Variants in NSMCE2 observed in about 807,000 individuals in gnomAD.
NSMCE2 encodes the protein NSE2 SUMO ligase component of SMC5/6 complex, also known as E3 SUMO-protein ligase NSE2.
In NSMCE2, 24 loss-of-function variants were observed where a neutral mutation model predicts 23.8. That is an observed-to-expected ratio of 1.01 (90% confidence interval 0.73 to 1.42). The LOEUF (loss-of-function observed/expected upper bound fraction) is 1.42, where lower values mean the gene tolerates loss of function less well. NSMCE2 is among the 40% of genes most tolerant of loss of function. NSMCE2 has a pLI of 0.00. For synonymous variants in NSMCE2, 92 were observed against 94.1 expected (o/e 0.98, Z 0.13); for missense variants, 284 against 296.5 (o/e 0.96, Z 0.31).
In NSMCE2 at chr8:125,135,585, ATCAAAGT is replaced by A. The variant is rs146551675; in HGVS notation, c.158-15582_158-15576del. ...ATATGGAATAAGGTACGAGGTATAG[ATCAAAGT>A]TCAGTATTTTCCTTCTTTTTTTTTT... On this transcript the variant is annotated intron_variant, in intron 3 of 7. Transcript: ENST00000287437. 1.8e-3 allele frequency among the ~76,000 whole-genome samples: 273 copies of A among 152,120 alleles called. 3 individuals carry two copies. The East Asian group carries it at 0.046, about 25-fold the overall frequency.
intron 5 of NSMCE2, among the ~76,000 whole-genome samples, chr8:125,215,293 T>C (rs1824529108): frequency 6.7e-6 from 1 of 148,494 alleles, no homozygotes. Flanking sequence ...TATGCGGTGT[T>C]TGGTTTTTTG....
rs142530546 is a variant in NSMCE2, at chr8:125,338,134, T to G, written c.419-19085T>G. Among the ~76,000 whole-genome samples, 458 of 152,238 alleles carry G rather than the reference T, an allele frequency of 3.0e-3. 7 individuals carry two copies. The highest frequency in any genetic ancestry group is 0.011 in the African/African-American group (438 of 41,546). ...ACAAGGTGGAGAAAGGTGGTATACA[T>G]GATGTGACCTCCCAGGTCACATAGC... On this transcript the variant is annotated intron_variant, in intron 5 of 7. Coordinates refer to ENST00000287437, the MANE Select transcript of NSMCE2 (RefSeq NM_173685.4).
chr8:125,134,259 A>G (rs554811810), intron 3 of NSMCE2, among the ~76,000 whole-genome samples: 5 of 152,340 alleles, frequency 3.3e-5, no homozygotes, highest in Admixed American at 2.6e-4. Context: ...AGTCATTATG[A>G]TGAGATTTCA....
At chr8:125,159,959 C>CAAAAAAA (rs1201506209) in intron 4 of NSMCE2, among the ~76,000 whole-genome samples, 1 of 102,732 alleles carries the variant, frequency 9.7e-6, no homozygotes, top group Non-Finnish European at 2.1e-5. Context: ...GACTCTGTCT[C>CAAAAAAA]AAAAAAAAAA....
At chr8:125,262,409 G>A (rs1826733810) in intron 5 of NSMCE2, among the ~76,000 whole-genome samples, 1 of 152,166 alleles carries the variant, frequency 6.6e-6, no homozygotes, top group South Asian at 2.1e-4. Context: ...GGGAGACAGA[G>A]TGAGACTCCC....
chr8:125,159,959 C>CAA (rs1201506209), intron 4 of NSMCE2, among the ~76,000 whole-genome samples: 13 of 102,708 alleles, frequency 1.3e-4, no homozygotes, highest in African/African-American at 3.0e-4. Context: ...GACTCTGTCT[C>CAA]AAAAAAAAAA....
At chr8:125,314,808 T>C (rs1586755875) in intron 5 of NSMCE2, among the ~76,000 whole-genome samples, 1 of 152,224 alleles carries the variant, frequency 6.6e-6, no homozygotes, top group East Asian at 1.9e-4. Context: ...GTGCCAGCTC[T>C]TGGTGATAGA....
At chr8:125,095,513 G>C (rs1817884733) in intron 1 of NSMCE2, among the ~76,000 whole-genome samples, 1 of 152,106 alleles carries the variant, frequency 6.6e-6, no homozygotes, top group African/African-American at 2.4e-5. Context: ...AGAATCACAT[G>C]AGCCTGGGAG....
Position 125,094,860 on chromosome 8 carries a change from C to CT in NSMCE2, c.-111+2910dup, listed in dbSNP as rs982708283. On this transcript the variant is annotated intron_variant, in intron 1 of 7. Coordinates refer to ENST00000287437, the MANE Select transcript of NSMCE2 (RefSeq NM_173685.4). ...GTCTCTTCCTTTTCTTTTCTTTTCT[C>CT]TTTTTTTTGAGAAAAGAGGGTCTCG... is the stretch of plus-strand genomic sequence containing the variant. 2.8e-3 allele frequency among the ~76,000 whole-genome samples: 427 copies of CT among 151,764 alleles called. 2 individuals carry two copies. Among genetic ancestry groups the CT allele is most frequent in the African/African-American group, 9.5e-3 (393 of 41,422 alleles).
At chr8:125,331,337 A>C (rs949691673) in intron 5 of NSMCE2, among the ~76,000 whole-genome samples, 1 of 152,160 alleles carries the variant, frequency 6.6e-6, no homozygotes. Context: ...ATTTTAAAAA[A>C]AGGTTTCTCA....
intron 5 of NSMCE2, among the ~76,000 whole-genome samples, chr8:125,228,925 T>C (rs1825210369): frequency 6.6e-6 from 1 of 152,184 alleles, no homozygotes; most frequent in African/African-American, 2.4e-5. Context: ...ACAAAGCTTA[T>C]AAGAGACAGA....
At chr8:125,174,663 G>A (rs1038302555) in intron 4 of NSMCE2, among the ~76,000 whole-genome samples, 3 of 152,170 alleles carry the variant, frequency 2.0e-5, no homozygotes, top group Non-Finnish European at 2.9e-5. Flanking sequence ...CCATGTTTAA[G>A]CTTATTCATT....
chr8:125,317,322 G>A (rs557943198), intron 5 of NSMCE2, among the ~76,000 whole-genome samples: 9 of 151,512 alleles, frequency 5.9e-5, no homozygotes, highest in African/African-American at 1.9e-4. Flanking sequence ...CCCAGCCTCC[G>A]AATAGCTGGG....
chr8:125,231,510 G>A (rs1825321849), intron 5 of NSMCE2, among the ~76,000 whole-genome samples: 1 of 152,136 alleles, frequency 6.6e-6, no homozygotes. Flanking sequence ...CAGAGTTTGT[G>A]TTTCCTTTTG....
At chr8:125,328,947 T>TAGA (rs1829776107) in intron 5 of NSMCE2, among the ~76,000 whole-genome samples, 2 of 152,210 alleles carry the variant, frequency 1.3e-5, no homozygotes, top group African/African-American at 2.4e-5. Flanking sequence ...AGCACCTTCT[T>TAGA]GGCTGCCTGC....
intron 5 of NSMCE2, among the ~76,000 whole-genome samples, chr8:125,346,875 G>A (rs1284661314): frequency 6.6e-6 from 1 of 152,176 alleles, no homozygotes; most frequent in Non-Finnish European, 1.5e-5. Flanking sequence ...CAAAGGACAT[G>A]TCTGCAACAA....
intron 5 of NSMCE2, among the ~76,000 whole-genome samples, chr8:125,352,302 AC>A (rs1813069621): frequency 6.6e-6 from 1 of 151,806 alleles, no homozygotes; most frequent in Non-Finnish European, 1.5e-5. Context: ...ACATGGAGAA[AC>A]CCCGTCTCTA....
rs200829910 is a variant in NSMCE2, at chr8:125,151,327, C to T, written c.264+50C>T. On this transcript the variant is annotated intron_variant, in intron 4 of 7. Transcript: ENST00000287437. ...ATATATTTGGTTACAACTCACTGAC[C>T]GAGAAGTAGAAACACAAAATCAAAA... 743 of 909,186 alleles carry T rather than the reference C, an allele frequency of 8.2e-4. 4 individuals carry two copies. In the African/African-American group the frequency reaches 0.011, roughly 14 times the overall value. The allele number at this position is 909,186 out of a possible 1,614,324, so 56.3% of individuals were successfully genotyped here. A position where few individuals can be genotyped will look rare whatever the true frequency, so the allele number is the denominator to read the frequency against.
chr8:125,120,213 C>G (rs1450819777), intron 3 of NSMCE2, among the ~76,000 whole-genome samples: 3 of 152,084 alleles, frequency 2.0e-5, no homozygotes, highest in Admixed American at 2.0e-4. Flanking sequence ...TAGATAACAG[C>G]ACAGATATAG....
Sources: allele counts gnomAD v4.1 joint callset (sites outside exome capture counted in the v4.1 genomes callset), GRCh38; gene constraint gnomAD v4.1.1; transcripts MANE v1.5; gene names NCBI Gene and HGNC (gene_info 2026-07-23, HGNC 2026-07-21).